The following DNAH5 variants were observed in gnomAD, a reference collection of about 807,000 sequenced individuals.
The protein encoded by DNAH5 is dynein axonemal heavy chain 5.
Under a neutral mutation model 518.2 loss-of-function variants are expected in DNAH5, and 372 were observed. The ratio of observed to expected loss-of-function variants is 0.72; its 90% CI spans 0.66 to 0.78. The LOEUF is 0.78. Ranked by LOEUF, DNAH5 falls within the 30% of genes least tolerant of loss-of-function variation. The pLI is 0.00. For missense variants in DNAH5, 5,523 were observed against 5,687.0 expected (o/e 0.97, Z 0.93); for synonymous variants, 2,039 against 2,025.9 (o/e 1.01, Z -0.17).
intron 78 of DNAH5, among the ~76,000 whole-genome samples, chr5:13,698,683 AT>A (rs1178705763): frequency 6.6e-6 from 1 of 152,224 alleles, no homozygotes; most frequent in Non-Finnish European, 1.5e-5. Flanking sequence ...CTTGGGGGCC[AT>A]TTTAAATAGG....
At chr5:13,806,066 C>A (rs981775806) in intron 47 of DNAH5, among the ~76,000 whole-genome samples, 2 of 152,124 alleles carry the variant, frequency 1.3e-5, no homozygotes, top group Admixed American at 1.3e-4. Context: ...ACACTCTGAT[C>A]TGATTTTTTT....
Position 13,776,651 on chromosome 5 carries a change from G to A in DNAH5, c.9161C>T (p.Ser3054Leu). ...CCTGGGGAATTCTTTTTTCATGACT[G>A]ATGCCAGGTCGCTATTAATTTCATC... is the stretch of plus-strand genomic sequence containing the variant. ...EIDEINSDLA[S>L]VMKKEFPRCL... Residue 3054 changes from serine (S) to leucine (L), a missense_variant, in exon 55 of 79, where the codon TCA becomes TTA. Physicochemically the swap from Ser to Leu is moderately radical, Grantham distance 145. Transcript: ENST00000265104. The A allele has an allele frequency of 1.2e-6, 2 of 1,613,850 alleles. No individual in the cohort carries two copies. Among genetic ancestry groups the A allele is most frequent in the Non-Finnish European group, 1.7e-6 (2 of 1,179,806 alleles).
At chr5:13,751,741 G>A (rs1185640319) in intron 64 of DNAH5, among the ~76,000 whole-genome samples, 2 of 152,106 alleles carry the variant, frequency 1.3e-5, no homozygotes, top group East Asian at 1.9e-4. Flanking sequence ...GTGTTTAGGG[G>A]GTAGAGCTGG....
At chr5:13,751,664 G>T (rs147845407) in intron 64 of DNAH5, among the ~76,000 whole-genome samples, 15 of 152,268 alleles carry the variant, frequency 9.9e-5, no homozygotes, top group African/African-American at 2.9e-4. Context: ...ATCAGAGCAG[G>T]TTCCCAAACA....
At position 13,744,591 on chromosome 5, in the gene DNAH5, A is replaced by G. The variant is rs180686656; in HGVS notation, c.11211+6487T>C. Reference sequence around the variant, plus strand: ...TTATATTATGGAAATATCACTATGTACCCCATAAACATGTACAATTACTAT... The same window carrying G: ...TTATATTATGGAAATATCACTATGTGCCCCATAAACATGTACAATTACTAT... On this transcript the variant is annotated intron_variant, in intron 65 of 78. Coordinates refer to ENST00000265104, the MANE Select transcript of DNAH5 (RefSeq NM_001369.3). 1.3e-3 allele frequency among the ~76,000 whole-genome samples: 202 copies of G among 152,220 alleles called. 1 individual carries two copies. The highest frequency in any genetic ancestry group is 4.6e-3 in the African/African-American group (193 of 41,558).
chr5:13,933,791 A>AAG (rs1778649664), intron 1 of DNAH5, among the ~76,000 whole-genome samples: 1 of 144,840 alleles, frequency 6.9e-6, no homozygotes, highest in Non-Finnish European at 1.5e-5. Flanking sequence ...CTCCACCTCA[A>AAG]AAAAAAAAAA....
At chr5:13,740,449 G>A (rs1398599486) in intron 65 of DNAH5, among the ~76,000 whole-genome samples, 2 of 152,080 alleles carry the variant, frequency 1.3e-5, no homozygotes, top group Non-Finnish European at 2.9e-5. Flanking sequence ...CTTCATTACT[G>A]CTGGGACTTC....
At chr5:13,732,443 T>C (rs1030489533) in intron 68 of DNAH5, among the ~76,000 whole-genome samples, 1 of 152,150 alleles carries the variant, frequency 6.6e-6, no homozygotes, top group Non-Finnish European at 1.5e-5. Flanking sequence ...CTCGGCTCAC[T>C]GCAACCTCCG....
intron 31 of DNAH5, among the ~76,000 whole-genome samples, chr5:13,846,830 C>A (rs1766073861): frequency 6.6e-6 from 1 of 152,138 alleles, no homozygotes; most frequent in Non-Finnish European, 1.5e-5. Flanking sequence ...CTTCTATTCC[C>A]CCTCACTTTC....
At chr5:13,898,566 C>T (rs1233603705) in intron 15 of DNAH5, 3 of 398,468 alleles carry the variant, frequency 7.5e-6, no homozygotes, top group Non-Finnish European at 1.3e-5. Flanking sequence ...GGTCTTACTT[C>T]TGCCACTTTG....
chr5:13,774,118 C>T (rs1240018115), intron 55 of DNAH5, among the ~76,000 whole-genome samples: 3 of 151,940 alleles, frequency 2.0e-5, no homozygotes, highest in East Asian at 1.9e-4. Context: ...GTGTTTTTAC[C>T]GTTTTTCTGT....
intron 23 of DNAH5, 24 bp from the exon 24 acceptor site, chr5:13,871,026 G>T: frequency 6.3e-7 from 1 of 1,582,208 alleles, no homozygotes. Context: ...AATGTCTACA[G>T]TTCAGTTTTA....
intron 21 of DNAH5, among the ~76,000 whole-genome samples, chr5:13,882,364 A>G (rs918662178): frequency 6.6e-6 from 1 of 152,064 alleles, no homozygotes; most frequent in African/African-American, 2.4e-5. Flanking sequence ...TTAAAAAAAA[A>G]AAAAAACTAC....
chr5:13,967,833 T>A lies in DNAH5; in HGVS notation c.13-36589A>T, dbSNP rs143764124. Among the ~76,000 whole-genome samples, 101 of 137,364 alleles carry A rather than the reference T, an allele frequency of 7.4e-4. 4 individuals carry two copies. The East Asian group carries it at 0.02, about 27-fold the overall frequency. The allele number at this position is 137,364 out of a possible 152,430, so 90.1% of individuals were successfully genotyped here. On this transcript the variant is annotated intron_variant, in intron 1 of 78. Transcript: ENST00000681290. ...GATTCTACATGAATTTTACGATTGC[T>A]TTTTCCAATTCTGTGAGGAATGATG...
chr5:13,726,001 G>A (rs1745670181), intron 70 of DNAH5, among the ~76,000 whole-genome samples: 3 of 152,260 alleles, frequency 2.0e-5, no homozygotes, highest in South Asian at 2.1e-4. Context: ...AGACACACTC[G>A]GACAGTGCAG....
chr5:13,821,206 G>C (rs28758509), intron 40 of DNAH5, among the ~76,000 whole-genome samples: 2 of 151,868 alleles, frequency 1.3e-5, no homozygotes, highest in Admixed American at 6.6e-5. Flanking sequence ...ATAAATATTC[G>C]ATTGAATGAA....
intron 35 of DNAH5, among the ~76,000 whole-genome samples, chr5:13,831,829 C>T (rs1763702681): frequency 6.6e-6 from 1 of 152,200 alleles, no homozygotes; most frequent in Non-Finnish European, 1.5e-5. Flanking sequence ...CCACAGTGTG[C>T]TCCACATGCA....
At chr5:13,831,437 G>T (rs1763663425) in intron 35 of DNAH5, among the ~76,000 whole-genome samples, 1 of 152,174 alleles carries the variant, frequency 6.6e-6, no homozygotes, top group South Asian at 2.1e-4. Context: ...AGCACCACCT[G>T]GTGTTACCAA....
rs751154181 is a variant in DNAH5 at position 13,811,716 on chromosome 5, C to A, written c.7338G>T (p.Lys2446Asn). Reference sequence around the variant, plus strand: ...TGACAAAGGCCTCCAGCACCTCCATCTTGTATTCTAAGTTCTGGATACAGA... The same window carrying A: ...TGACAAAGGCCTCCAGCACCTCCATATTGTATTCTAAGTTCTGGATACAGA... ...YRFCIQNLEYKMEVLEAFVIT... is the reference protein window; with the variant it reads ...YRFCIQNLEYNMEVLEAFVIT... Residue 2446 changes from lysine to asparagine, a missense_variant, in exon 44 of 79, where the codon AAG becomes AAT. By Grantham distance (94) the Lys-to-Asn change is moderately conservative. Coordinates refer to ENST00000265104, the MANE Select transcript of DNAH5 (RefSeq NM_001369.3). The A allele has an allele frequency of 6.2e-7, 1 of 1,614,140 alleles. No homozygotes were observed. The highest frequency in any genetic ancestry group is 1.1e-5 in the South Asian group (1 of 91,080).
Sources: allele counts gnomAD v4.1 joint callset (sites outside exome capture counted in the v4.1 genomes callset), GRCh38; gene constraint gnomAD v4.1.1; transcripts MANE v1.5; gene names NCBI Gene and HGNC (gene_info 2026-07-23, HGNC 2026-07-21).